Variants in CTNNA2 observed in about 807,000 individuals in gnomAD.
CTNNA2 encodes the protein catenin alpha 2.
A neutral mutation model predicts 101.0 loss-of-function variants in CTNNA2; 42 were observed. The observed-to-expected ratio is 0.42, with a 90% CI of 0.32 to 0.54. CTNNA2 has a LOEUF of 0.54. Ranked by LOEUF, CTNNA2 falls within the 20% of genes least tolerant of loss-of-function variation. The pLI is 0.14. For missense variants in CTNNA2, 871 were observed against 1,223.1 expected (o/e 0.71, Z 4.29); for synonymous variants, 450 against 456.4 (o/e 0.99, Z 0.18).
chr2:80,611,608 A>C (rs1698472296), intron 17 of CTNNA2, among the ~76,000 whole-genome samples: 1 of 151,594 alleles, frequency 6.6e-6, no homozygotes, highest in Admixed American at 6.6e-5. Flanking sequence ...AGCACCTTTA[A>C]AGTTAAAAAT....
intron 7 of CTNNA2, among the ~76,000 whole-genome samples, chr2:80,358,740 A>G (rs1431220451): frequency 1.3e-5 from 2 of 152,180 alleles, no homozygotes; most frequent in Non-Finnish European, 2.9e-5. Flanking sequence ...AAGTAGATAT[A>G]TAAAATGTTA....
intron 3 of CTNNA2, among the ~76,000 whole-genome samples, chr2:79,758,338 G>C (rs1200036179): frequency 6.6e-6 from 1 of 152,206 alleles, no homozygotes; most frequent in Non-Finnish European, 1.5e-5. Context: ...TCAGTGACTT[G>C]ATGCAAACCA....
intron 7 of CTNNA2, among the ~76,000 whole-genome samples, chr2:79,910,405 C>G (rs532918069): frequency 6.6e-6 from 1 of 152,142 alleles, no homozygotes; most frequent in East Asian, 1.9e-4. Context: ...TAGCCATCCT[C>G]TCCTATAGTT....
chr2:79,806,551 A>G (rs981672086), intron 3 of CTNNA2, among the ~76,000 whole-genome samples: 8 of 152,078 alleles, frequency 5.3e-5, no homozygotes, highest in Admixed American at 3.9e-4. Flanking sequence ...CATTGTCCGC[A>G]GGTGACTTAG....
intron 7 of CTNNA2, among the ~76,000 whole-genome samples, chr2:80,376,466 GAAA>G (rs5832451): frequency 8.0e-6 from 1 of 125,606 alleles, no homozygotes; most frequent in Admixed American, 8.3e-5. Context: ...GTAGAAACAG[GAAA>G]AAAAAAAAAA....
intron 1 of CTNNA2, among the ~76,000 whole-genome samples, chr2:79,570,619 AGAT>A (rs900701339): frequency 2.0e-5 from 3 of 152,188 alleles, no homozygotes; most frequent in African/African-American, 7.2e-5. Flanking sequence ...AGAGGAAAAA[AGAT>A]GAGAAACTCA....
chr2:80,511,266 G>T (rs528362388), intron 9 of CTNNA2, among the ~76,000 whole-genome samples: 40 of 152,318 alleles, frequency 2.6e-4, no homozygotes, highest in Non-Finnish European at 4.9e-4. Context: ...GAGATGGAAA[G>T]ATATTAGAGA....
At chr2:80,611,188 G>A (rs1372387676) in intron 17 of CTNNA2, among the ~76,000 whole-genome samples, 2 of 150,582 alleles carry the variant, frequency 1.3e-5, no homozygotes, top group Non-Finnish European at 3.0e-5. Flanking sequence ...AGTTTCAGAA[G>A]ATTAAACCGT....
At chr2:79,332,598 G>T (rs890073462) in intron 3 of CTNNA2, among the ~76,000 whole-genome samples, 12 of 152,198 alleles carry the variant, frequency 7.9e-5, no homozygotes, top group African/African-American at 2.9e-4. Context: ...ATGGAAGCAA[G>T]CATGTCATGT....
chr2:79,262,394 A>G (rs1281712125), intron 2 of CTNNA2, among the ~76,000 whole-genome samples: 2 of 152,326 alleles, frequency 1.3e-5, no homozygotes, highest in Middle Eastern at 3.4e-3. Context: ...TAATATCAAT[A>G]ATGTGGATCT....
intron 7 of CTNNA2, among the ~76,000 whole-genome samples, chr2:80,284,984 C>G (rs79874068): frequency 0.052 from 7,941 of 152,182 alleles, 631 homozygotes; most frequent in African/African-American, 0.18. Context: ...AGTGTTTGTT[C>G]ATTGCAAGAA....
At chr2:80,409,996 G>A (rs1334280792) in intron 8 of CTNNA2, among the ~76,000 whole-genome samples, 1 of 152,150 alleles carries the variant, frequency 6.6e-6, no homozygotes, top group African/African-American at 2.4e-5. Context: ...TTAAAATGAG[G>A]CACACAGCCT....
chr2:80,350,292 A>G (rs1221970819), intron 7 of CTNNA2, among the ~76,000 whole-genome samples: 2 of 152,184 alleles, frequency 1.3e-5, no homozygotes, highest in Non-Finnish European at 2.9e-5. Flanking sequence ...ATTTACACAG[A>G]TTTCCGAATG....
chr2:79,942,823 A>T (rs1014471247), intron 7 of CTNNA2, among the ~76,000 whole-genome samples: 1 of 152,164 alleles, frequency 6.6e-6, no homozygotes, highest in African/African-American at 2.4e-5. Flanking sequence ...ATTATATGAG[A>T]TGAAATGTAG....
intron 2 of CTNNA2, among the ~76,000 whole-genome samples, chr2:79,732,408 A>C (rs1305043400): frequency 1.3e-5 from 2 of 152,096 alleles, no homozygotes; most frequent in Admixed American, 1.3e-4. Context: ...AAGCCACCTA[A>C]AAAGCACGAG....
At chr2:79,868,715 A>G (rs1412313709) in intron 4 of CTNNA2, among the ~76,000 whole-genome samples, 1 of 152,118 alleles carries the variant, frequency 6.6e-6, no homozygotes, top group East Asian at 1.9e-4. Flanking sequence ...ATTTCTCATT[A>G]CTCTTTCTTT....
In CTNNA2 at chr2:80,359,844, C is replaced by T. The variant is rs192805689; in HGVS notation, c.1057-33367C>T. On this transcript the variant is annotated intron_variant, in intron 7 of 18. Coordinates refer to ENST00000402739, the MANE Select transcript of CTNNA2 (RefSeq NM_001282597.3). ...GAGTGAATCTTCCAACCTAATTTTT[C>T]TTCAACATAATCTTGACTCCTTTTT... Among the ~76,000 whole-genome samples, 48 of 152,190 alleles carry T rather than the reference C, an allele frequency of 3.2e-4. No homozygotes were observed. The East Asian group carries it at 4.8e-3, about 15-fold the overall frequency.
At chr2:79,779,018 A>G (rs1674220348) in intron 3 of CTNNA2, among the ~76,000 whole-genome samples, 1 of 150,452 alleles carries the variant, frequency 6.6e-6, no homozygotes, top group Non-Finnish European at 1.5e-5. Context: ...TCCACTGGTT[A>G]GAAAATATTT....
intron 7 of CTNNA2, among the ~76,000 whole-genome samples, chr2:80,155,073 T>C (rs1703930414): frequency 6.6e-6 from 1 of 152,202 alleles, no homozygotes; most frequent in Admixed American, 6.5e-5. Flanking sequence ...TCTAGCTTAT[T>C]TAAGGACAGC....
Sources: allele counts gnomAD v4.1 joint callset (sites outside exome capture counted in the v4.1 genomes callset), GRCh38; gene constraint gnomAD v4.1.1; transcripts MANE v1.5; gene names NCBI Gene and HGNC (gene_info 2026-07-23, HGNC 2026-07-21).